TPD52L1: variants seen among roughly 807,000 people sequenced by gnomAD.
The protein encoded by TPD52L1 is TPD52 like 1.
TPD52L1 carries 18 observed loss-of-function variants against 28.7 expected under a neutral mutation model. That is an observed-to-expected ratio of 0.63 (90% confidence interval 0.43 to 0.93). The LOEUF is 0.93. TPD52L1 is among the 40% of genes least tolerant of loss of function. The pLI is 0.00. For synonymous variants in TPD52L1, 75 were observed against 88.8 expected (o/e 0.84, Z 0.88); for missense variants, 203 against 254.8 (o/e 0.80, Z 1.39).
chr6:125,180,068 C>T (rs1046862589), intron 1 of TPD52L1, among the ~76,000 whole-genome samples: 1 of 152,176 alleles, frequency 6.6e-6, no homozygotes, highest in Non-Finnish European at 1.5e-5. Context: ...TGACAATGCC[C>T]TTTCATGACC....
chr6:125,214,351 C>T (rs562628817), intron 1 of TPD52L1: 124 of 569,198 alleles, frequency 2.2e-4, no homozygotes, highest in Middle Eastern at 1.8e-3. Flanking sequence ...TGGGCCAATG[C>T]CCAGAGAGAA....
At chr6:125,180,596 TCACA>T (rs1460854484) in intron 1 of TPD52L1, among the ~76,000 whole-genome samples, 1 of 140,950 alleles carries the variant, frequency 7.1e-6, no homozygotes, top group Non-Finnish European at 1.6e-5. Context: ...ACACACACAC[TCACA>T]CACACACAGA....
Position 125,257,157 on chromosome 6 carries a change from AG to A in TPD52L1, c.486+1del, listed in dbSNP as rs1231513370. The A allele has an allele frequency of 1.2e-6, 2 of 1,611,028 alleles. No homozygotes were observed. Among genetic ancestry groups the A allele is most frequent in the African/African-American group, 2.7e-5 (2 of 74,902 alleles). ...GTTGAGACAACTGTCACAAGCCTCA[AG>A]GTACAGATGAAGTGAATTCTGTGTG... is the stretch of plus-strand genomic sequence containing the variant. ...ERVETTVTSL[K>X]TKVGGTNPNG... On this transcript the variant is annotated frameshift_variant and splice_region_variant, in exon 6 of 7. Coordinates refer to ENST00000534000, the MANE Select transcript of TPD52L1 (RefSeq NM_003287.4). LOFTEE classifies it high-confidence loss of function.
At position 125,260,991 on chromosome 6, in the gene TPD52L1, AAAGAAAGAAAGAAAGAAAGAAAG is replaced by A. The variant is rs1562411004; in HGVS notation, c.487-1840_487-1818del. Reference sequence around the variant, plus strand: ...AAGAAAGAAAGAAAAGAAAAGAAAGAAAGAAAGAAAGAAAGAAAGAAAGAAAGAAAAGAAAAGAAAGAAAGAAA... The same window carrying A: ...AAGAAAGAAAGAAAAGAAAAGAAAGAAAAGAAAAGAAAAGAAAGAAAGAAA... On this transcript the variant is annotated intron_variant, in intron 6 of 6. Coordinates refer to ENST00000534000, the MANE Select transcript of TPD52L1 (RefSeq NM_003287.4). 60 of 43,226 alleles carry A rather than the reference AAAGAAAGAAAGAAAGAAAGAAAG, an allele frequency of 1.4e-3. No individual in the cohort carries two copies. In the Middle Eastern group the frequency reaches 0.032, roughly 23 times the overall value. The allele number at this position is 43,226 out of a possible 1,614,324, so 2.7% of individuals were successfully genotyped here.
chr6:125,247,471 T>C (rs1796989331), intron 3 of TPD52L1, among the ~76,000 whole-genome samples: 1 of 152,134 alleles, frequency 6.6e-6, no homozygotes, highest in Admixed American at 6.5e-5. Flanking sequence ...ACTTACCATC[T>C]CCTGTTGAAT....
At position 125,167,855 on chromosome 6, in the gene TPD52L1, TA is replaced by T. The variant is rs555392206; in HGVS notation, c.19+13896del. On this transcript the variant is annotated intron_variant, in intron 1 of 6. Transcript: ENST00000534000. Reference sequence around the variant, plus strand: ...TACATTTGCAAAGCAAATCTTGTACTAAAAAAAAAAACAAAAAAATGGGGTG... The same window carrying T: ...TACATTTGCAAAGCAAATCTTGTACTAAAAAAAAAACAAAAAAATGGGGTG... 2.3e-3 allele frequency among the ~76,000 whole-genome samples: 316 copies of T among 138,622 alleles called. 1 individual carries two copies. The highest frequency in any genetic ancestry group is 6.9e-3 in the African/African-American group (262 of 38,014). The allele number at this position is 138,622 out of a possible 152,430, so 90.9% of individuals were successfully genotyped here.
At position 125,153,855 on chromosome 6, in the gene TPD52L1, C is replaced by G. The variant is rs942184721; in HGVS notation, c.-97C>G. The G allele has an allele frequency of 1.3e-4, 184 of 1,400,270 alleles. No individual in the cohort carries two copies. In the East Asian group the frequency reaches 3.0e-3, roughly 23 times the overall value. 86.7% of individuals were successfully genotyped at this position (1,400,270 alleles called of 1,614,324 possible). ...CACGCGTGCCAGGAGTGGGAGCGAG[C>G]GGCGGGGCCAGCTGCGTTCTGAGCC... On this transcript the variant is annotated 5_prime_UTR_variant, in exon 1 of 7. Transcript: ENST00000534000.
intron 1 of TPD52L1, among the ~76,000 whole-genome samples, chr6:125,195,907 C>CAT (rs1481184317): frequency 6.6e-6 from 1 of 152,186 alleles, no homozygotes; most frequent in Non-Finnish European, 1.5e-5. Context: ...ACTTGCTCAT[C>CAT]ATATGCATCT....
intron 1 of TPD52L1, among the ~76,000 whole-genome samples, chr6:125,163,608 A>C (rs1333386238): frequency 6.6e-6 from 1 of 151,424 alleles, no homozygotes; most frequent in African/African-American, 2.4e-5. Context: ...GAACAAAAAC[A>C]AAAAACTCCA....
intron 3 of TPD52L1, among the ~76,000 whole-genome samples, chr6:125,247,651 A>C (rs1218118244): frequency 1.3e-5 from 2 of 152,204 alleles, no homozygotes; most frequent in African/African-American, 4.8e-5. Context: ...ACAAAGATGA[A>C]TGGCTTCCTT....
At chr6:125,165,092 A>ATATATATT (rs1554201220) in intron 1 of TPD52L1, among the ~76,000 whole-genome samples, 1 of 104,194 alleles carries the variant, frequency 9.6e-6, no homozygotes, top group African/African-American at 6.1e-5. Flanking sequence ...AAAGATATAT[A>ATATATATT]TATATATTTT....
chr6:125,239,073 G>A (rs1796460000), intron 3 of TPD52L1, among the ~76,000 whole-genome samples: 1 of 152,158 alleles, frequency 6.6e-6, no homozygotes, highest in Non-Finnish European at 1.5e-5. Context: ...TGTAGTGGTT[G>A]TAGTTTACAT....
chr6:125,221,531 AATGCCTCGATTTTT>A (rs1315708543), intron 2 of TPD52L1, among the ~76,000 whole-genome samples: 1 of 152,164 alleles, frequency 6.6e-6, no homozygotes, highest in African/African-American at 2.4e-5. Context: ...ATTTCTATAA[AATGCCTCGATTTTT>A]ATTTTTCTGG....
chr6:125,170,256 C>G (rs1791202017), intron 1 of TPD52L1, among the ~76,000 whole-genome samples: 1 of 152,022 alleles, frequency 6.6e-6, no homozygotes, highest in Admixed American at 6.5e-5. Flanking sequence ...TACCAGTTCT[C>G]TGAGGCTCAA....
chr6:125,248,495 A>G (rs1583012210), intron 4 of TPD52L1, 112 bp downstream of exon 4: 1 of 726,566 alleles, frequency 1.4e-6, no homozygotes, highest in Non-Finnish European at 2.3e-6. Flanking sequence ...ATTTTAATGG[A>G]TAAAAATGTT....
intron 3 of TPD52L1, among the ~76,000 whole-genome samples, chr6:125,246,108 G>T (rs1427636035): frequency 6.6e-6 from 1 of 152,156 alleles, no homozygotes; most frequent in Non-Finnish European, 1.5e-5. Context: ...AGAGAAACTG[G>T]GAGTGCCTAT....
chr6:125,208,253 G>T (rs1794282665), intron 1 of TPD52L1, among the ~76,000 whole-genome samples: 1 of 152,198 alleles, frequency 6.6e-6, no homozygotes, highest in African/African-American at 2.4e-5. Context: ...GAGCAACAAA[G>T]AGTAGCCTGA....
At chr6:125,183,806 T>C (rs1582878925) in intron 1 of TPD52L1, among the ~76,000 whole-genome samples, 1 of 152,174 alleles carries the variant, frequency 6.6e-6, no homozygotes, top group Non-Finnish European at 1.5e-5. Flanking sequence ...GACACTGAAA[T>C]GTTGGATAAA....
At chr6:125,229,398 C>A in intron 3 of TPD52L1, 132 bp downstream of exon 3, 1 of 870,316 alleles carries the variant, frequency 1.1e-6, no homozygotes, top group Non-Finnish European at 1.7e-6. Context: ...TCTCTAAAAG[C>A]AAAGCAAAGA....
Sources: allele counts gnomAD v4.1 joint callset (sites outside exome capture counted in the v4.1 genomes callset), GRCh38; gene constraint gnomAD v4.1.1; transcripts MANE v1.5; gene names NCBI Gene and HGNC (gene_info 2026-07-23, HGNC 2026-07-21).